STK33: variants seen among roughly 807,000 people sequenced by gnomAD.
STK33 encodes serine/threonine kinase 33.
A neutral mutation model predicts 58.0 loss-of-function variants in STK33; 52 were observed. That is an observed-to-expected ratio of 0.90 (90% CI 0.72 to 1.13). STK33 has a LOEUF of 1.13. Among genes scored for constraint, STK33 ranks in the 50% most tolerant of loss-of-function variants. The pLI, the probability that STK33 is intolerant of heterozygous loss-of-function variation, is 0.00. For synonymous variants in STK33, 215 were observed against 200.1 expected (o/e 1.07, Z -0.63); for missense variants, 630 against 604.2 (o/e 1.04, Z -0.45).
chr11:8,487,439 A>G (rs959365884), intron 1 of STK33, among the ~76,000 whole-genome samples: 284 of 151,142 alleles, frequency 1.9e-3, no homozygotes, highest in African/African-American at 6.3e-3. Flanking sequence ...AAAAAAAAAA[A>G]AAAGAGAGAG....
intron 1 of STK33, among the ~76,000 whole-genome samples, chr11:8,491,047 T>C (rs11493772): frequency 0.55 from 83,622 of 152,002 alleles, 23,375 homozygotes; most frequent in African/African-American, 0.65. Flanking sequence ...TCCAAAGGAT[T>C]GCAGCTCCTC....
intron 1 of STK33, among the ~76,000 whole-genome samples, chr11:8,527,479 T>G (rs978503399): frequency 5.5e-5 from 8 of 145,756 alleles, no homozygotes; most frequent in South Asian, 2.3e-4. Flanking sequence ...TGAGTTTTTG[T>G]TTTTTTTTTT....
chr11:8,442,058 C>T (rs1220492817), intron 11 of STK33, among the ~76,000 whole-genome samples: 1 of 151,726 alleles, frequency 6.6e-6, no homozygotes, highest in Non-Finnish European at 1.5e-5. Flanking sequence ...CACACACACA[C>T]ACACACACAC....
intron 1 of STK33, among the ~76,000 whole-genome samples, chr11:8,587,175 T>C (rs944218147): frequency 5.3e-5 from 8 of 152,222 alleles, no homozygotes; most frequent in African/African-American, 1.4e-4. Flanking sequence ...ACATCAAGTA[T>C]GAAGCTCCCT....
chr11:8,413,356 C>A, intron 15 of STK33, 139 bp downstream of exon 15: 1 of 912,756 alleles, frequency 1.1e-6, no homozygotes, highest in Non-Finnish European at 1.7e-6. Context: ...CCTTATAAGG[C>A]AGAAAGAACT....
chr11:8,468,440 T>C (rs937784044), intron 6 of STK33, among the ~76,000 whole-genome samples: 3 of 152,204 alleles, frequency 2.0e-5, no homozygotes, highest in Non-Finnish European at 1.5e-5. Context: ...TTCCCTTCTT[T>C]TGTAACAGAA....
the STK33 span, among the ~76,000 whole-genome samples, chr11:8,351,367 C>A: frequency 6.6e-6 from 1 of 152,244 alleles, no homozygotes; most frequent in Non-Finnish European, 1.5e-5. Context: ...TCCACACTTA[C>A]TGTGGCATAC....
the STK33 span, among the ~76,000 whole-genome samples, chr11:8,369,589 C>T: frequency 2.0e-5 from 3 of 152,126 alleles, no homozygotes; most frequent in African/African-American, 7.2e-5. Flanking sequence ...GTTCTCCCAC[C>T]TCCTCTCCTC....
chr11:8,570,995 C>A (rs1473415840), intron 1 of STK33, among the ~76,000 whole-genome samples: 1 of 152,160 alleles, frequency 6.6e-6, no homozygotes, highest in Admixed American at 6.5e-5. Context: ...GGACAAAATA[C>A]ATGATACAAT....
the STK33 span, among the ~76,000 whole-genome samples, chr11:8,382,788 C>A: frequency 1.3e-5 from 2 of 152,204 alleles, no homozygotes; most frequent in Non-Finnish European, 2.9e-5. Context: ...CCCCATATAT[C>A]TCAGTGGATA....
intron 14 of STK33, among the ~76,000 whole-genome samples, chr11:8,425,358 T>C (rs1942585472): frequency 6.6e-6 from 1 of 152,202 alleles, no homozygotes; most frequent in Non-Finnish European, 1.5e-5. Context: ...TCTGTTTTGC[T>C]ACCAGTACCA....
chr11:8,572,816 T>C (rs1957917689), intron 1 of STK33, among the ~76,000 whole-genome samples: 2 of 151,782 alleles, frequency 1.3e-5, no homozygotes, highest in African/African-American at 2.4e-5. Context: ...TAACAGCAGA[T>C]CAGATACTGC....
At position 8,428,355 on chromosome 11, in the gene STK33, G is replaced by T. The variant is rs572271604; in HGVS notation, c.1146+7139C>A. Among the ~76,000 whole-genome samples the T allele has an allele frequency of 2.6e-4, 39 of 152,308 alleles. 1 individual carries two copies. In the South Asian group the frequency reaches 7.9e-3, roughly 31 times the overall value. ...GACAAGAGGAAAAAGGAAAAACCGGGTTGTTTTGTGTTTCTATTTTAATTC... is the reference window on the plus strand; with the variant it reads ...GACAAGAGGAAAAAGGAAAAACCGGTTTGTTTTGTGTTTCTATTTTAATTC... On this transcript the variant is annotated intron_variant, in intron 14 of 15. Transcript: ENST00000687296.
intron 1 of STK33, among the ~76,000 whole-genome samples, chr11:8,505,046 C>T (rs1951772843): frequency 6.6e-6 from 1 of 152,134 alleles, no homozygotes; most frequent in Non-Finnish European, 1.5e-5. Context: ...GTGCTTATAC[C>T]ATGGAATTGG....
chr11:8,449,017 A>C lies in STK33; in HGVS notation c.871+3805T>G, dbSNP rs1286013820. ...CAAAAGAAGACATTTATGCAGCCAA[A>C]AGACACGTGAAAAAATGCTCATCAT... On this transcript the variant is annotated intron_variant, in intron 11 of 15. Transcript: ENST00000687296. Among the ~76,000 whole-genome samples, 20 of 151,910 alleles carry C rather than the reference A, an allele frequency of 1.3e-4. No homozygotes were observed. In the East Asian group the frequency reaches 3.5e-3, roughly 26 times the overall value.
At chr11:8,460,666 CACA>C (rs1354559598) in intron 8 of STK33, among the ~76,000 whole-genome samples, 15 of 151,752 alleles carry the variant, frequency 9.9e-5, no homozygotes, top group Non-Finnish European at 2.2e-4. Context: ...ACCATAAACT[CACA>C]AGTCCATGAA....
chr11:8,458,389 T>A (rs529570985), intron 8 of STK33, among the ~76,000 whole-genome samples: 1 of 150,938 alleles, frequency 6.6e-6, no homozygotes, highest in East Asian at 1.9e-4. Flanking sequence ...TTGCAACCAT[T>A]TGGAAATGCA....
chr11:8,544,183 C>T (rs1411007512), intron 1 of STK33, among the ~76,000 whole-genome samples: 1 of 151,608 alleles, frequency 6.6e-6, no homozygotes, highest in Non-Finnish European at 1.5e-5. Flanking sequence ...CCGACAGGCA[C>T]GGGTGTGTGA....
At chr11:8,548,815 G>C (rs1011448995) in intron 1 of STK33, among the ~76,000 whole-genome samples, 1 of 151,988 alleles carries the variant, frequency 6.6e-6, no homozygotes, top group African/African-American at 2.4e-5. Context: ...TATAAAAAAT[G>C]GTTAAATTTT....
Sources: allele counts gnomAD v4.1 joint callset (sites outside exome capture counted in the v4.1 genomes callset), GRCh38; gene constraint gnomAD v4.1.1; transcripts MANE v1.5; gene names NCBI Gene and HGNC (gene_info 2026-07-23, HGNC 2026-07-21).